Variants in PHF14 observed in about 807,000 individuals in gnomAD.
PHF14 encodes PHD finger protein 14.
Under a neutral mutation model 117.9 loss-of-function variants are expected in PHF14, and 55 were observed. The observed-to-expected ratio is 0.47, with a 90% CI of 0.38 to 0.58. The LOEUF (loss-of-function observed/expected upper bound fraction) is 0.58. Ranked by LOEUF, PHF14 falls within the 20% of genes least tolerant of loss-of-function variation. PHF14 has a pLI of 0.00. For missense variants in PHF14, 978 were observed against 1,122.2 expected (o/e 0.87, Z 1.84); for synonymous variants, 409 against 368.6 (o/e 1.11, Z -1.26).
intron 17 of PHF14, among the ~76,000 whole-genome samples, chr7:11,137,590 C>CTTTTTT (rs5882293): frequency 4.4e-4 from 41 of 93,958 alleles, no homozygotes; most frequent in Non-Finnish European, 5.9e-4. Context: ...CTTAAAAATT[C>CTTTTTT]TTTTTTTTTT....
At chr7:11,128,807 C>G (rs546994651) in intron 17 of PHF14, among the ~76,000 whole-genome samples, 8 of 151,104 alleles carry the variant, frequency 5.3e-5, no homozygotes, top group Non-Finnish European at 1.0e-4. Flanking sequence ...TACTCTTTTG[C>G]AAAAAGCCTC....
chr7:11,046,810 C>A (rs907558932), intron 13 of PHF14, among the ~76,000 whole-genome samples: 1 of 151,892 alleles, frequency 6.6e-6, no homozygotes, highest in Non-Finnish European at 1.5e-5. Flanking sequence ...ATGTAGGCAC[C>A]TGTCAAGACT....
At chr7:11,120,871 A>G (rs928463853) in intron 17 of PHF14, among the ~76,000 whole-genome samples, 2 of 152,138 alleles carry the variant, frequency 1.3e-5, no homozygotes, top group Non-Finnish European at 2.9e-5. Flanking sequence ...GATCTAACTC[A>G]TACGGAAACT....
intron 14 of PHF14, 116 bp downstream of exon 14, chr7:11,051,896 G>A: frequency 1.3e-6 from 1 of 792,080 alleles, no homozygotes; most frequent in Non-Finnish European, 2.0e-6. Flanking sequence ...GACATCTATT[G>A]GTTATTCTTA....
intron 4 of PHF14, among the ~76,000 whole-genome samples, chr7:10,996,979 G>T (rs1782675602): frequency 1.3e-5 from 2 of 152,168 alleles, no homozygotes; most frequent in Admixed American, 1.3e-4. Flanking sequence ...CCAATGGGTG[G>T]CCAAATTAAG....
intron 13 of PHF14, among the ~76,000 whole-genome samples, chr7:11,047,946 G>A (rs1583410024): frequency 2.4e-5 from 3 of 124,214 alleles, no homozygotes; most frequent in East Asian, 2.9e-4. Flanking sequence ...GGAGGGAGAG[G>A]GAGGGAGGGG....
At chr7:11,145,615 G>A (rs1025033318) in intron 17 of PHF14, among the ~76,000 whole-genome samples, 13 of 151,826 alleles carry the variant, frequency 8.6e-5, no homozygotes, top group Non-Finnish European at 1.6e-4. Context: ...CAATTCAATA[G>A]CAACTTTATT....
Position 11,013,860 on chromosome 7 carries a change from C to A in PHF14, c.1159C>A (p.Leu387Met). 6.2e-7 allele frequency: 1 copy of A among 1,610,524 alleles called. No homozygotes were observed. Among genetic ancestry groups the A allele is most frequent in the Non-Finnish European group, 8.5e-7 (1 of 1,177,304 alleles). Residue 387 changes from leucine (L) to methionine (M), a missense_variant, in exon 5 of 18, where the codon CTG becomes ATG. Transcript: ENST00000634607. The part of the protein sequence containing the change: ...CKCGVSPSCE[L>M]CPNQDGIFKE... ...ATGTGGTGTTTCTCCTAGCTGTGAA[C>A]TGTGTCCTAATCAGGATGGAATTTT...
intron 2 of PHF14, among the ~76,000 whole-genome samples, chr7:10,978,378 A>G (rs1781939999): frequency 2.0e-5 from 3 of 152,206 alleles, no homozygotes; most frequent in Admixed American, 2.0e-4. Context: ...AGGAAATGAG[A>G]TTAGATTGAT....
intron 12 of PHF14, 126 bp from the exon 13 acceptor site, chr7:11,042,557 A>G (rs917783024): frequency 1.1e-4 from 66 of 590,918 alleles, no homozygotes; most frequent in Admixed American, 3.3e-4. Context: ...GAAATTGTCT[A>G]TCTCAACAGA....
At chr7:11,014,095 G>A (rs1783441360) in intron 5 of PHF14, among the ~76,000 whole-genome samples, 189 bp downstream of exon 5, 1 of 152,136 alleles carries the variant, frequency 6.6e-6, no homozygotes, top group Non-Finnish European at 1.5e-5. Flanking sequence ...TTGAGTACCT[G>A]CATTTGCCTT....
chr7:11,046,575 G>A lies in PHF14; in HGVS notation c.2312+3761G>A, dbSNP rs187575753. On this transcript the variant is annotated intron_variant, in intron 13 of 17. Coordinates refer to ENST00000634607, the MANE Select transcript of PHF14 (RefSeq NM_001007157.2). ...CTCTTCTTCCCATTAACCGCTAGTA[G>A]GAATTCCAGCATTAGAATGGGACAT... 2.0e-5 allele frequency among the ~76,000 whole-genome samples: 3 copies of A among 152,144 alleles called. No individual in the cohort carries two copies. The East Asian group carries it at 5.8e-4, about 29-fold the overall frequency.
chr7:11,103,377 AG>A, intron 16 of PHF14: 2 of 968,744 alleles, frequency 2.1e-6, no homozygotes, highest in Non-Finnish European at 2.5e-6. Context: ...GGAAATAAGG[AG>A]GGAAGTACAA....
chr7:11,064,335 A>G (rs1264980480), intron 16 of PHF14, among the ~76,000 whole-genome samples: 1 of 151,884 alleles, frequency 6.6e-6, no homozygotes, highest in Non-Finnish European at 1.5e-5. Context: ...TTTTTATTAC[A>G]TTGCATCTTA....
At chr7:11,007,153 A>T (rs943634639) in intron 4 of PHF14, among the ~76,000 whole-genome samples, 3 of 151,972 alleles carry the variant, frequency 2.0e-5, no homozygotes, top group African/African-American at 7.3e-5. Context: ...AGATCGCGCC[A>T]TTGCACTCCA....
intron 13 of PHF14, among the ~76,000 whole-genome samples, chr7:11,045,776 A>C (rs1251970243): frequency 6.6e-6 from 1 of 152,170 alleles, no homozygotes; most frequent in Non-Finnish European, 1.5e-5. Flanking sequence ...AGGCTCAGAT[A>C]TTTCAGTGAT....
At chr7:11,134,893 T>C (rs917407779) in intron 17 of PHF14, among the ~76,000 whole-genome samples, 2 of 152,144 alleles carry the variant, frequency 1.3e-5, no homozygotes, top group African/African-American at 4.8e-5. Context: ...AGTAAATTTT[T>C]ATCAAAAGAC....
chr7:11,016,192 G>C (rs1783527881), intron 5 of PHF14, among the ~76,000 whole-genome samples: 1 of 152,020 alleles, frequency 6.6e-6, no homozygotes. Flanking sequence ...TTGAACACTT[G>C]TGCTAATGTC....
chr7:11,017,118 G>C (rs138231189), intron 5 of PHF14, among the ~76,000 whole-genome samples: 15 of 152,172 alleles, frequency 9.9e-5, no homozygotes, highest in Non-Finnish European at 1.5e-4. Flanking sequence ...ATTGTGTATT[G>C]TGTACCACAA....
Sources: gnomAD v4.1 joint callset for allele counts (sites outside exome capture counted in the v4.1 genomes callset) on GRCh38, gnomAD v4.1.1 for gene constraint, MANE v1.5 for transcripts, NCBI Gene and HGNC (gene_info 2026-07-23, HGNC 2026-07-21) for gene names.